CCBE1: variants seen among roughly 807,000 people sequenced by gnomAD.
CCBE1 encodes collagen and calcium binding EGF domains 1, also known as collagen and calcium-binding EGF domain-containing protein 1.
Under a neutral mutation model 50.0 loss-of-function variants are expected in CCBE1, and 37 were observed. The observed-to-expected ratio is 0.74, with a 90% CI of 0.57 to 0.97. CCBE1 has a LOEUF of 0.97. Among genes scored for constraint, CCBE1 ranks in the 50% least tolerant of loss-of-function variants. CCBE1 has a pLI of 0.00. For missense variants in CCBE1, 538 were observed against 523.8 expected (o/e 1.03, Z -0.26); for synonymous variants, 234 against 203.7 (o/e 1.15, Z -1.27).
intron 2 of CCBE1, among the ~76,000 whole-genome samples, chr18:59,589,600 C>T (rs2053229712): frequency 6.6e-6 from 1 of 151,956 alleles, no homozygotes; most frequent in Non-Finnish European, 1.5e-5. Flanking sequence ...TCGAGACCAT[C>T]CTGGCTCACA....
chr18:59,517,796 C>T (rs1330028566), intron 2 of CCBE1, among the ~76,000 whole-genome samples: 1 of 152,206 alleles, frequency 6.6e-6, no homozygotes, highest in East Asian at 1.9e-4. Flanking sequence ...GGTTCAGAGC[C>T]ACAACTACTG....
At chr18:59,635,448 G>C (rs980181419) in intron 2 of CCBE1, among the ~76,000 whole-genome samples, 6 of 103,224 alleles carry the variant, frequency 5.8e-5, no homozygotes, top group Non-Finnish European at 1.2e-4. Context: ...ACTGAACAAT[G>C]TGGAGAAATT....
chr18:59,634,029 G>A (rs2053886577), intron 2 of CCBE1, among the ~76,000 whole-genome samples: 1 of 152,082 alleles, frequency 6.6e-6, no homozygotes, highest in South Asian at 2.1e-4. Context: ...AAGAAGTGAA[G>A]GACTTCTCAG....
chr18:59,657,587 G>C (rs1168588853), intron 2 of CCBE1, among the ~76,000 whole-genome samples: 2 of 152,190 alleles, frequency 1.3e-5, no homozygotes, highest in African/African-American at 4.8e-5. Flanking sequence ...GAAAAACTCT[G>C]ATGAAGGGAA....
intron 2 of CCBE1, among the ~76,000 whole-genome samples, chr18:59,522,663 G>A (rs1355541205): frequency 6.6e-6 from 1 of 152,132 alleles, no homozygotes; most frequent in African/African-American, 2.4e-5. Context: ...GGGAGAATAT[G>A]CAGATTCTCA....
chr18:59,646,278 G>A (rs754647156), intron 2 of CCBE1, among the ~76,000 whole-genome samples: 2 of 152,206 alleles, frequency 1.3e-5, no homozygotes, highest in South Asian at 2.1e-4. Flanking sequence ...TTGGGACCCA[G>A]CAAGTGAGAG....
chr18:59,689,181 G>A (rs73961299), intron 2 of CCBE1, among the ~76,000 whole-genome samples: 3,987 of 152,296 alleles, frequency 0.026, 154 homozygotes, highest in African/African-American at 0.09. Flanking sequence ...GAGCCCCCCT[G>A]TATCTCCCAC....
chr18:59,618,444 T>C (rs1205561966), intron 2 of CCBE1, among the ~76,000 whole-genome samples: 1 of 152,018 alleles, frequency 6.6e-6, no homozygotes, highest in Non-Finnish European at 1.5e-5. Context: ...AAGTTTTTTT[T>C]TTTTTTTTGA....
intron 10 of CCBE1, 41 bp downstream of exon 10, chr18:59,438,070 G>A: frequency 4.3e-6 from 7 of 1,611,240 alleles, no homozygotes; most frequent in South Asian, 1.1e-5. Flanking sequence ...GCATCCCTGA[G>A]AACGTTCCCC....
At chr18:59,499,723 C>A (rs1459356049) in intron 2 of CCBE1, among the ~76,000 whole-genome samples, 1 of 152,216 alleles carries the variant, frequency 6.6e-6, no homozygotes, top group Non-Finnish European at 1.5e-5. Context: ...GGTGCGGACA[C>A]AGCCAAACCA....
chr18:59,542,460 C>T (rs146980373), intron 2 of CCBE1, among the ~76,000 whole-genome samples: 25 of 152,128 alleles, frequency 1.6e-4, no homozygotes, highest in African/African-American at 6.0e-4. Flanking sequence ...AAAATGAAAG[C>T]AACAGATTTT....
chr18:59,562,171 T>G (rs775514897), intron 2 of CCBE1, among the ~76,000 whole-genome samples: 6 of 151,752 alleles, frequency 4.0e-5, no homozygotes, highest in Non-Finnish European at 8.8e-5. Flanking sequence ...ATCCATTACC[T>G]CCCTTAGTCC....
At chr18:59,465,729 T>G (rs1911710247) in intron 5 of CCBE1, 2 of 152,230 alleles carry the variant, frequency 1.3e-5, no homozygotes, top group South Asian at 4.1e-4. Flanking sequence ...CTAGACCATA[T>G]TTTGAGTAGC....
chr18:59,624,092 C>T (rs2053746518), intron 2 of CCBE1, among the ~76,000 whole-genome samples: 1 of 152,178 alleles, frequency 6.6e-6, no homozygotes, highest in Non-Finnish European at 1.5e-5. Flanking sequence ...GCTGAGGTCA[C>T]CAGAAATGCA....
At chr18:59,618,902 C>T (rs1023176296) in intron 2 of CCBE1, among the ~76,000 whole-genome samples, 3 of 151,928 alleles carry the variant, frequency 2.0e-5, no homozygotes, top group Admixed American at 6.6e-5. Flanking sequence ...TATTTTACTT[C>T]GTGTATAGTG....
At chr18:59,611,321 C>G (rs1325228539) in intron 2 of CCBE1, among the ~76,000 whole-genome samples, 1 of 152,216 alleles carries the variant, frequency 6.6e-6, no homozygotes, top group Non-Finnish European at 1.5e-5. Flanking sequence ...TGTACATAGC[C>G]TTTCTTTATG....
At chr18:59,648,951 T>C (rs1051934321) in intron 2 of CCBE1, among the ~76,000 whole-genome samples, 8 of 152,214 alleles carry the variant, frequency 5.3e-5, no homozygotes, top group Admixed American at 5.2e-4. Flanking sequence ...ATTGGTGTCA[T>C]CAGCTGATAA....
At chr18:59,442,107 A>C (rs1156249268) in intron 7 of CCBE1, among the ~76,000 whole-genome samples, 1 of 152,186 alleles carries the variant, frequency 6.6e-6, no homozygotes, top group African/African-American at 2.4e-5. Flanking sequence ...TCTTGTCTCC[A>C]TCACCACAGA....
chr18:59,608,527 C>G (rs545870960), intron 2 of CCBE1, among the ~76,000 whole-genome samples: 1 of 152,286 alleles, frequency 6.6e-6, no homozygotes, highest in South Asian at 2.1e-4. Flanking sequence ...GGCACGAGAA[C>G]AAGCCCCCAT....
Sources: allele counts gnomAD v4.1 joint callset (sites outside exome capture counted in the v4.1 genomes callset), GRCh38; gene constraint gnomAD v4.1.1; transcripts MANE v1.5; gene names NCBI Gene and HGNC (gene_info 2026-07-23, HGNC 2026-07-21).